The following AGFG1 variants were observed in gnomAD, a reference collection of about 807,000 sequenced individuals.
The protein encoded by AGFG1 is arf-GAP domain and FG repeat-containing protein 1.
In AGFG1, 10 loss-of-function variants were observed where a neutral mutation model predicts 60.6. The ratio of observed to expected loss-of-function variants is 0.16; its 90% CI spans 0.10 to 0.28. The LOEUF is 0.28. AGFG1 is among the 10% of genes least tolerant of loss of function. The pLI is 1.00. For synonymous variants in AGFG1, 247 were observed against 242.9 expected (o/e 1.02, Z -0.16); for missense variants, 537 against 676.5 (o/e 0.79, Z 2.29).
At chr2:227,495,545 C>CAA (rs1215021284) in intron 2 of AGFG1, among the ~76,000 whole-genome samples, 141 of 90,088 alleles carry the variant, frequency 1.6e-3, no homozygotes, top group African/African-American at 4.5e-3. Context: ...GATACTGTCT[C>CAA]AAAAAAAAAA....
chr2:227,520,642 T>C (rs1467408786), intron 3 of AGFG1, among the ~76,000 whole-genome samples: 1 of 152,238 alleles, frequency 6.6e-6, no homozygotes, highest in South Asian at 2.1e-4. Context: ...AGGTTGTACA[T>C]ATAGCTAGTA....
In AGFG1 at chr2:227,543,089, G is replaced by A. The variant is rs190617406; in HGVS notation, c.1378+6096G>A. Among the ~76,000 whole-genome samples the A allele has an allele frequency of 2.0e-5, 3 of 151,794 alleles. No homozygotes were observed. The East Asian group carries it at 5.8e-4, about 29-fold the overall frequency. On this transcript the variant is annotated intron_variant, in intron 10 of 12. Coordinates refer to ENST00000310078, the MANE Select transcript of AGFG1 (RefSeq NM_004504.5). ...TTGCTAGCGGTCTGTCAATTTTGTT[G>A]ATCTTTTCAAAAAACCAGCTCCTGG... is the stretch of plus-strand genomic sequence containing the variant.
chr2:227,540,480 A>G (rs1692458029), intron 10 of AGFG1, among the ~76,000 whole-genome samples: 1 of 152,178 alleles, frequency 6.6e-6, no homozygotes, highest in African/African-American at 2.4e-5. Context: ...TTTGCTCAGA[A>G]TGATGGTTTC....
chr2:227,488,390 G>T (rs995494691), intron 1 of AGFG1, among the ~76,000 whole-genome samples: 3 of 152,248 alleles, frequency 2.0e-5, no homozygotes, highest in Non-Finnish European at 4.4e-5. Flanking sequence ...TCATTGAACA[G>T]TTTGAGAAGT....
Position 227,555,912 on chromosome 2 carries a change from T to C in AGFG1, c.*1417T>C, listed in dbSNP as rs1692958736. On this transcript the variant is annotated 3_prime_UTR_variant, in exon 13 of 13. Transcript: ENST00000310078. ...TGAGAGATTTTAATAAATTTAATTA[T>C]TTGCTTGTCCAGACTATAGCATATT... 6.6e-6 allele frequency: 1 copy of C among 152,164 alleles called. No individual in the cohort carries two copies. Among genetic ancestry groups the C allele is most frequent in the Admixed American group, 6.5e-5 (1 of 15,284 alleles). The allele number at this position is 152,164 out of a possible 1,614,324, so 9.4% of individuals were successfully genotyped here.
At chr2:227,480,209 C>T (rs929112409) in intron 1 of AGFG1, among the ~76,000 whole-genome samples, 1 of 152,132 alleles carries the variant, frequency 6.6e-6, no homozygotes, top group Non-Finnish European at 1.5e-5. Context: ...GGGAGCTGTA[C>T]ACATGATCAC....
chr2:227,544,420 A>G (rs1575113896), intron 10 of AGFG1, among the ~76,000 whole-genome samples: 1 of 152,154 alleles, frequency 6.6e-6, no homozygotes, highest in Non-Finnish European at 1.5e-5. Context: ...TCCCAAAGTC[A>G]GTCTGTGTCT....
At chr2:227,511,987 C>T (rs1691509097) in intron 2 of AGFG1, among the ~76,000 whole-genome samples, 1 of 152,110 alleles carries the variant, frequency 6.6e-6, no homozygotes, top group South Asian at 2.1e-4. Context: ...GCCTAATAGG[C>T]TGTGATGAAG....
At chr2:227,537,388 GT>G (rs1424875430) in intron 10 of AGFG1, among the ~76,000 whole-genome samples, 1 of 152,110 alleles carries the variant, frequency 6.6e-6, no homozygotes, top group Non-Finnish European at 1.5e-5. Flanking sequence ...TTTATGAGAA[GT>G]TTTTATTTTC....
Position 227,523,912 on chromosome 2 carries a change from G to T in AGFG1, c.527G>T (p.Gly176Val). ...DSAPTLHLNK[G>V]TPSQSPVVGR... Reference sequence around the variant, plus strand: ...GCACCAACACTGCACTTAAATAAGGGCACACCTAGTCAGGTGAGTAGTCTT... The same window carrying T: ...GCACCAACACTGCACTTAAATAAGGTCACACCTAGTCAGGTGAGTAGTCTT... The change falls in exon 4 of 13, where the codon GGC becomes GTC. Residue 176 changes from glycine (G) to valine (V), a missense_variant. Gly to Val is a moderately radical substitution (Grantham distance 109, BLOSUM62 -3). Around this residue, in one of 4 missense-constraint regions of AGFG1, gnomAD observed 102 missense variants for 82.9 expected, o/e 1.23. Coordinates refer to ENST00000310078, the MANE Select transcript of AGFG1 (RefSeq NM_004504.5). 2 of 1,613,272 alleles carry T rather than the reference G, an allele frequency of 1.2e-6. No individual in the cohort carries two copies. Among genetic ancestry groups the T allele is most frequent in the Non-Finnish European group, 1.7e-6 (2 of 1,179,642 alleles).
At chr2:227,482,382 C>T (rs1014925907) in intron 1 of AGFG1, among the ~76,000 whole-genome samples, 14 of 152,058 alleles carry the variant, frequency 9.2e-5, no homozygotes, top group Admixed American at 4.6e-4. Flanking sequence ...TCTGGATAGA[C>T]GAATATTTTG....
intron 2 of AGFG1, among the ~76,000 whole-genome samples, chr2:227,501,363 G>A (rs1364857021): frequency 1.3e-5 from 2 of 152,232 alleles, no homozygotes; most frequent in Non-Finnish European, 2.9e-5. Flanking sequence ...TTATAGGCAT[G>A]AGCCATTGGG....
At chr2:227,510,693 A>G (rs1691471185) in intron 2 of AGFG1, 1 of 152,136 alleles carries the variant, frequency 6.6e-6, no homozygotes, top group Admixed American at 6.5e-5. Flanking sequence ...CCAAGCTAAT[A>G]TAGCTGGGTT....
chr2:227,489,763 G>GAA (rs1354824778), intron 1 of AGFG1, among the ~76,000 whole-genome samples: 1 of 151,840 alleles, frequency 6.6e-6, no homozygotes, highest in African/African-American at 2.4e-5. Flanking sequence ...GGGGGAGGGA[G>GAA]AAAAAGAAGC....
At chr2:227,488,878 A>G (rs529124971) in intron 1 of AGFG1, among the ~76,000 whole-genome samples, 25 of 152,304 alleles carry the variant, frequency 1.6e-4, no homozygotes, top group African/African-American at 4.8e-4. Context: ...CAGTGGTGCA[A>G]TCTTGGCTCA....
chr2:227,544,148 T>A (rs1242994942), intron 10 of AGFG1, among the ~76,000 whole-genome samples: 1 of 10,770 alleles, frequency 9.3e-5, no homozygotes, highest in Non-Finnish European at 2.0e-4. Context: ...TTCTGTGTCT[T>A]TTTTTTTTTT....
At chr2:227,503,143 GGA>G (rs1364119017) in intron 2 of AGFG1, among the ~76,000 whole-genome samples, 1 of 151,824 alleles carries the variant, frequency 6.6e-6, no homozygotes, top group African/African-American at 2.4e-5. Context: ...TGAGGTGGGG[GGA>G]TCACCTGAGC....
intron 10 of AGFG1, among the ~76,000 whole-genome samples, chr2:227,541,709 G>A (rs1692497092): frequency 2.6e-5 from 4 of 152,184 alleles, no homozygotes; most frequent in South Asian, 4.1e-4. Context: ...GAACTTTCAA[G>A]TAGTTTTTTC....
At chr2:227,519,553 T>A (rs1323151226) in intron 2 of AGFG1, among the ~76,000 whole-genome samples, 1 of 152,180 alleles carries the variant, frequency 6.6e-6, no homozygotes, top group African/African-American at 2.4e-5. Flanking sequence ...GATTCTAGTA[T>A]TTTTGTTTGT....
Sources: gnomAD v4.1 joint callset for allele counts (sites outside exome capture counted in the v4.1 genomes callset) on GRCh38, gnomAD v4.1.1 for gene constraint, gnomAD v4.1.1 regional missense constraint, MANE v1.5 for transcripts, NCBI Gene and HGNC (gene_info 2026-07-23, HGNC 2026-07-21) for gene names.